The following CDH3 variants were observed in gnomAD, a reference collection of about 807,000 sequenced individuals.
The protein encoded by CDH3 is cadherin-3.
Under a neutral mutation model 82.0 loss-of-function variants are expected in CDH3, and 54 were observed. The observed-to-expected ratio is 0.66, with a 90% CI of 0.53 to 0.83. The LOEUF (loss-of-function observed/expected upper bound fraction) is 0.83. Ranked by LOEUF, CDH3 falls within the 40% of genes least tolerant of loss-of-function variation. The pLI, the probability that CDH3 is intolerant of heterozygous loss-of-function variation, is 0.00. For missense variants in CDH3, 1,054 were observed against 1,084.6 expected, an observed-to-expected ratio of 0.97 and a Z score of 0.40; for synonymous variants, 446 against 437.9, an observed-to-expected ratio of 1.02 and a Z score of -0.23.
chr16:68,686,531 G>T, intron 11 of CDH3: 2 of 1,141,394 alleles, frequency 1.8e-6, no homozygotes, highest in Non-Finnish European at 2.7e-6. Context: ...TGTTGGATCG[G>T]ATTCTAAAGG....
In CDH3 at chr16:68,699,059, G is replaced by C. The variant is rs1961835079; in HGVS notation, c.*659G>C. 6.6e-6 allele frequency: 1 copy of C among 152,340 alleles called. No individual in the cohort carries two copies. The highest frequency in any genetic ancestry group is 1.5e-5 in the Non-Finnish European group (1 of 68,084). The allele number at this position is 152,340 out of a possible 1,614,324, so 9.4% of individuals were successfully genotyped here. On this transcript the variant is annotated 3_prime_UTR_variant, in exon 16 of 16. Coordinates refer to ENST00000264012, the MANE Select transcript of CDH3 (RefSeq NM_001793.6). ...CCCAGAGGTGCCTGGGGAGTGAACT[G>C]TTTTCTAAATAGAAGGTTTATTGGC...
At chr16:68,656,221 T>C (rs1367442113) in intron 2 of CDH3, among the ~76,000 whole-genome samples, 1 of 151,932 alleles carries the variant, frequency 6.6e-6, no homozygotes, top group African/African-American at 2.4e-5. Context: ...ATGGAGACAA[T>C]GGCTGAAGTC....
At chr16:68,683,706 GAAAAAAA>G (rs1211855143) in intron 9 of CDH3, among the ~76,000 whole-genome samples, 2 of 26,140 alleles carry the variant, frequency 7.7e-5, no homozygotes, top group East Asian at 2.1e-3. Flanking sequence ...ACAACATGGA[GAAAAAAA>G]AAAAAAAAGA....
At chr16:68,686,337 C>T (rs757080101) in intron 11 of CDH3, 19 of 941,124 alleles carry the variant, frequency 2.0e-5, no homozygotes, top group Middle Eastern at 2.2e-4. Context: ...CTCCTTGCGG[C>T]GCTACACAAG....
chr16:68,710,395 CAG>C lies in CDH3; in HGVS notation c.100-12029_100-12028del, dbSNP rs547559103. ...TCAACCAGGGGTAGTTATGCCATCT[CAG>C]GGGATATTTGGCAATGTCTGGAGTC... On this transcript the variant is annotated intron_variant, in intron 1 of 2. Transcript: ENST00000569080. 2.4e-4 allele frequency among the ~76,000 whole-genome samples: 37 copies of C among 152,348 alleles called. No individual in the cohort carries two copies. In the East Asian group the frequency reaches 6.5e-3, roughly 27 times the overall value.
intron 2 of CDH3, 82 bp downstream of exon 2, chr16:68,645,832 G>A (rs1018808000): frequency 9.4e-6 from 10 of 1,060,684 alleles, no homozygotes; most frequent in Admixed American, 2.2e-5. Context: ...TGTTCGGGCC[G>A]GGGCAAGGGA....
chr16:68,657,836 G>A (rs1018534397), intron 2 of CDH3, among the ~76,000 whole-genome samples: 2 of 152,142 alleles, frequency 1.3e-5, no homozygotes, highest in Admixed American at 6.6e-5. Flanking sequence ...TTTAAAGTTG[G>A]AAGTTACCTA....
chr16:68,666,103 G>A (rs552331468), intron 2 of CDH3, among the ~76,000 whole-genome samples: 2 of 151,966 alleles, frequency 1.3e-5, no homozygotes, highest in East Asian at 1.9e-4. Flanking sequence ...CAGAGGGCCC[G>A]AGTCTGAATG....
At chr16:68,720,612 T>C (rs1597830866) in intron 1 of CDH3, among the ~76,000 whole-genome samples, 2 of 118,642 alleles carry the variant, frequency 1.7e-5, no homozygotes, top group East Asian at 5.2e-4. Context: ...ATGTTCTTTA[T>C]TAAGTCTTTT....
downstream of CDH3, among the ~76,000 whole-genome samples, chr16:68,730,253 A>C (rs1162936917): frequency 3.9e-5 from 5 of 128,292 alleles, no homozygotes; most frequent in Admixed American, 1.6e-4. Flanking sequence ...AAAGCCGGGC[A>C]CGGTGGCTCA....
intron 1 of CDH3, among the ~76,000 whole-genome samples, chr16:68,706,283 C>T (rs978853336): frequency 2.0e-5 from 3 of 152,054 alleles, no homozygotes; most frequent in Non-Finnish European, 2.9e-5. Context: ...TAGAGTGTGC[C>T]TCCGTGGGGA....
At chr16:68,686,748 C>A in intron 11 of CDH3, 2 of 679,090 alleles carry the variant, frequency 2.9e-6, no homozygotes, top group South Asian at 3.1e-5. Context: ...GTTCTGAAAC[C>A]TTTCATCATG....
chr16:68,707,827 G>A lies in CDH3; in HGVS notation c.99+11904G>A, dbSNP rs542735272. Among the ~76,000 whole-genome samples the A allele has an allele frequency of 1.3e-5, 2 of 152,210 alleles. No individual in the cohort carries two copies. The highest frequency in any genetic ancestry group is 1.3e-4 in the Admixed American group (2 of 15,268). On this transcript the variant is annotated intron_variant, in intron 1 of 2. Transcript: ENST00000569080. This position sits in a 1 kb window ranked among gnomAD's most constrained non-coding sequence, Gnocchi z 4.5. ...TCCCTGTACCCACTGCCCAGCAAGC[G>A]GCAGGGGTGTGGCGGGCCGGGGAGG...
At chr16:68,680,922 C>T (rs772874707) in intron 7 of CDH3, 46 bp from the exon 8 acceptor site, 2 of 1,612,208 alleles carry the variant, frequency 1.2e-6, no homozygotes, top group South Asian at 2.2e-5. Flanking sequence ...GGGAGGGACC[C>T]TTCAGATTAA....
intron 2 of CDH3, among the ~76,000 whole-genome samples, chr16:68,663,882 T>A (rs980212885): frequency 3.3e-5 from 5 of 152,094 alleles, no homozygotes; most frequent in African/African-American, 1.2e-4. Context: ...TAGTTACATA[T>A]GTATACATGT....
intron 1 of CDH3, among the ~76,000 whole-genome samples, chr16:68,720,913 T>C (rs11075697): frequency 0.86 from 130,541 of 152,110 alleles, 56,187 homozygotes; most frequent in Non-Finnish European, 0.89. Context: ...AGCCACCATG[T>C]CAGGCCTTTA....
chr16:68,705,492 C>T (rs1008433133), intron 1 of CDH3, among the ~76,000 whole-genome samples: 1 of 151,994 alleles, frequency 6.6e-6, no homozygotes, highest in Non-Finnish European at 1.5e-5. Flanking sequence ...GCGATCTTGG[C>T]TCACTGCAAA....
chr16:68,731,395 A>AT (rs1247036472), downstream of CDH3, among the ~76,000 whole-genome samples: 271 of 5,242 alleles, frequency 0.052, 96 homozygotes, highest in Middle Eastern at 0.38. Context: ...AAAAAAAAAA[A>AT]ATATATATAT....
At chr16:68,688,371 C>T (rs540713703) in intron 12 of CDH3, among the ~76,000 whole-genome samples, 1 of 152,042 alleles carries the variant, frequency 6.6e-6, no homozygotes, top group Non-Finnish European at 1.5e-5. Context: ...GGGCGGGTCA[C>T]CAGGTCAGGA....
Sources: allele counts gnomAD v4.1 joint callset (sites outside exome capture counted in the v4.1 genomes callset), GRCh38; gene constraint gnomAD v4.1.1; non-coding constraint Gnocchi (gnomAD v3.1); transcripts MANE v1.5; gene names NCBI Gene and HGNC (gene_info 2026-07-23, HGNC 2026-07-21).